HSD17B12: variants seen among roughly 807,000 people sequenced by gnomAD.
The protein encoded by HSD17B12 is very-long-chain 3-oxoacyl-CoA reductase.
Under a neutral mutation model 39.3 loss-of-function variants are expected in HSD17B12, and 32 were observed. The observed-to-expected ratio is 0.81, with a 90% CI of 0.61 to 1.09. The LOEUF (loss-of-function observed/expected upper bound fraction) is 1.09, where lower values mean the gene tolerates loss of function less well. Ranked by LOEUF, HSD17B12 falls within the 50% of genes least tolerant of loss-of-function variation. HSD17B12 has a pLI of 0.00. For missense variants in HSD17B12, 342 were observed against 382.9 expected, an observed-to-expected ratio of 0.89 and a Z score of 0.89; for synonymous variants, 150 against 146.7, an observed-to-expected ratio of 1.02 and a Z score of -0.16.
the HSD17B12 span, among the ~76,000 whole-genome samples, chr11:43,598,328 G>A: frequency 1.3e-5 from 2 of 151,970 alleles, no homozygotes; most frequent in African/African-American, 2.4e-5. Context: ...TTAGATGCGG[G>A]TCTCTCTGAA....
At chr11:43,749,883 G>A (rs926753373) in intron 1 of HSD17B12, among the ~76,000 whole-genome samples, 1 of 151,978 alleles carries the variant, frequency 6.6e-6, no homozygotes, top group African/African-American at 2.4e-5. Context: ...ATTTGGGGAG[G>A]CATCCCTTTT....
chr11:43,699,594 CA>C (rs1371219463), intron 1 of HSD17B12, among the ~76,000 whole-genome samples: 1 of 151,640 alleles, frequency 6.6e-6, no homozygotes, highest in Non-Finnish European at 1.5e-5. Flanking sequence ...TTGTTTTTTT[CA>C]AATTGTTTGT....
chr11:43,669,865 G>A, the HSD17B12 span, among the ~76,000 whole-genome samples: 1 of 152,218 alleles, frequency 6.6e-6, no homozygotes, highest in Non-Finnish European at 1.5e-5. Context: ...AGGTTGTGGG[G>A]TTAGGACTTT....
intron 1 of HSD17B12, among the ~76,000 whole-genome samples, chr11:43,728,013 A>G (rs780946250): frequency 4.6e-5 from 7 of 151,968 alleles, no homozygotes; most frequent in Non-Finnish European, 8.8e-5. Context: ...CAATTGTGGC[A>G]GTAACCACAT....
chr11:43,599,168 C>T, the HSD17B12 span, among the ~76,000 whole-genome samples: 3 of 152,152 alleles, frequency 2.0e-5, no homozygotes, highest in Admixed American at 6.5e-5. Flanking sequence ...ACGATGTTCA[C>T]CTAATGGTAA....
the HSD17B12 span, among the ~76,000 whole-genome samples, chr11:43,661,167 A>T: frequency 4.6e-5 from 7 of 152,186 alleles, no homozygotes; most frequent in Non-Finnish European, 1.0e-4. Flanking sequence ...TACACACCAC[A>T]GCTTAATCTC....
chr11:43,641,025 T>G, the HSD17B12 span: 1 of 151,924 alleles, frequency 6.6e-6, no homozygotes, highest in East Asian at 1.9e-4. Context: ...GTGAAACTTT[T>G]CTTCTTTAGG....
the HSD17B12 span, among the ~76,000 whole-genome samples, chr11:43,653,193 A>G: frequency 2.0e-5 from 3 of 152,132 alleles, no homozygotes; most frequent in Non-Finnish European, 2.9e-5. Flanking sequence ...GACTATAACA[A>G]GGGATATGGG....
chr11:43,733,728 G>T (rs1190565985), intron 1 of HSD17B12: 11 of 583,942 alleles, frequency 1.9e-5, no homozygotes, highest in Non-Finnish European at 3.6e-5. Flanking sequence ...CAGAGTGGAA[G>T]AAGGTGTGAG....
chr11:43,613,752 C>T, the HSD17B12 span, among the ~76,000 whole-genome samples: 10 of 151,962 alleles, frequency 6.6e-5, no homozygotes, highest in South Asian at 6.2e-4. Context: ...CTGCAAACTC[C>T]GCCTCCTGGG....
intron 3 of HSD17B12, among the ~76,000 whole-genome samples, chr11:43,760,259 A>G (rs1379868841): frequency 6.6e-6 from 1 of 152,078 alleles, no homozygotes; most frequent in African/African-American, 2.4e-5. Context: ...CATGTTACCC[A>G]GGCTGGTCTC....
chr11:43,581,377 A>T, the HSD17B12 span: 13 of 501,966 alleles, frequency 2.6e-5, no homozygotes, highest in Non-Finnish European at 4.9e-5. This position sits in a 1 kb window ranked among gnomAD's most constrained non-coding sequence, Gnocchi z 4.9. Context: ...CGGCGAACCG[A>T]AGAAGCCGGC....
chr11:43,807,976 A>G (rs967979676), intron 4 of HSD17B12, among the ~76,000 whole-genome samples: 3 of 152,188 alleles, frequency 2.0e-5, no homozygotes, highest in Non-Finnish European at 4.4e-5. Context: ...ACAGACAAGA[A>G]ACAGTTACAG....
chr11:43,848,784 C>A (rs1028674161), intron 9 of HSD17B12, among the ~76,000 whole-genome samples: 1 of 151,986 alleles, frequency 6.6e-6, no homozygotes, highest in Admixed American at 6.5e-5. Flanking sequence ...TTTCCTGTTA[C>A]CCTACCACCT....
chr11:43,792,682 CTTTTTTTTTT>C (rs60140879), intron 3 of HSD17B12, among the ~76,000 whole-genome samples: 5 of 101,302 alleles, frequency 4.9e-5, no homozygotes, highest in East Asian at 2.6e-4. Context: ...TCAATGTAAC[CTTTTTTTTTT>C]TTTTTTTTTT....
At chr11:43,683,104 G>GT (rs145842097) in intron 1 of HSD17B12, among the ~76,000 whole-genome samples, 7,294 of 140,524 alleles carry the variant, frequency 0.052, 220 homozygotes, top group Middle Eastern at 0.18. Flanking sequence ...GTTTTTTTTT[G>GT]TTTTTTTTTT....
At chr11:43,630,690 G>A in the HSD17B12 span, among the ~76,000 whole-genome samples, 3,177 of 152,226 alleles carry the variant, frequency 0.021, 51 homozygotes, top group Non-Finnish European at 0.033. Flanking sequence ...TGGTAATGAA[G>A]GGTACAAAAG....
intron 6 of HSD17B12, among the ~76,000 whole-genome samples, chr11:43,828,190 T>G (rs1313977825): frequency 1.3e-5 from 2 of 149,164 alleles, no homozygotes; most frequent in Non-Finnish European, 3.0e-5. Flanking sequence ...TCGCCCAGGC[T>G]GGAGTGCAGT....
intron 3 of HSD17B12, among the ~76,000 whole-genome samples, chr11:43,771,034 A>G (rs1040714209): frequency 6.6e-6 from 1 of 152,232 alleles, no homozygotes; most frequent in Non-Finnish European, 1.5e-5. Context: ...ATACGCATGT[A>G]CAGGTTAGTG....
Sources: gnomAD v4.1 joint callset for allele counts (sites outside exome capture counted in the v4.1 genomes callset) on GRCh38, gnomAD v4.1.1 for gene constraint, Gnocchi (gnomAD v3.1) non-coding constraint, MANE v1.5 for transcripts, NCBI Gene and HGNC (gene_info 2026-07-23, HGNC 2026-07-21) for gene names.